STXBP4: variants seen among roughly 807,000 people sequenced by gnomAD.
STXBP4 encodes the protein syntaxin-binding protein 4.
STXBP4 carries 55 observed loss-of-function variants against 76.1 expected under a neutral mutation model. That is an observed-to-expected ratio of 0.72 (90% CI 0.58 to 0.91). The LOEUF (loss-of-function observed/expected upper bound fraction) is 0.91. Ranked by LOEUF, STXBP4 falls within the 40% of genes least tolerant of loss-of-function variation. The pLI, the probability that STXBP4 is intolerant of heterozygous loss-of-function variation, is 0.00. For synonymous variants in STXBP4, 201 were observed against 220.2 expected (o/e 0.91, Z 0.77); for missense variants, 618 against 636.9 (o/e 0.97, Z 0.32).
intron 17 of STXBP4, among the ~76,000 whole-genome samples, chr17:55,149,452 AAAAACAAGGAT>A (rs1170202123): frequency 1.3e-5 from 2 of 152,186 alleles, no homozygotes; most frequent in Non-Finnish European, 2.9e-5. Context: ...ATTCTTGTAC[AAAAACAAGGAT>A]AATAATTTCT....
At chr17:55,086,637 A>G (rs192202881) in intron 16 of STXBP4, among the ~76,000 whole-genome samples, 14 of 152,212 alleles carry the variant, frequency 9.2e-5, no homozygotes, top group Admixed American at 4.6e-4. Context: ...GGAGACACGC[A>G]CACATACCAC....
chr17:55,064,980 G>T (rs2079033388), intron 12 of STXBP4, among the ~76,000 whole-genome samples: 1 of 152,114 alleles, frequency 6.6e-6, no homozygotes. Flanking sequence ...TGAGATGAGG[G>T]TCTACACTTT....
At chr17:54,989,289 A>G (rs971985020) in intron 3 of STXBP4, among the ~76,000 whole-genome samples, 1 of 152,118 alleles carries the variant, frequency 6.6e-6, no homozygotes, top group Non-Finnish European at 1.5e-5. Context: ...TTGTATTTTT[A>G]GTATAGACGG....
chr17:55,104,714 C>G (rs148938713), intron 16 of STXBP4, among the ~76,000 whole-genome samples: 66 of 152,272 alleles, frequency 4.3e-4, no homozygotes, highest in Admixed American at 1.7e-3. Context: ...ACCAGCTCCT[C>G]TTTGTACCTC....
At chr17:55,040,272 A>G (rs911392580) in intron 10 of STXBP4, among the ~76,000 whole-genome samples, 3 of 152,170 alleles carry the variant, frequency 2.0e-5, no homozygotes, top group Admixed American at 6.6e-5. Context: ...TAATCATTTT[A>G]GAAATATGGG....
chr17:55,154,503 G>C (rs2080255337), intron 17 of STXBP4, among the ~76,000 whole-genome samples: 1 of 152,150 alleles, frequency 6.6e-6, no homozygotes, highest in Non-Finnish European at 1.5e-5. Flanking sequence ...ATAGGTATCA[G>C]TGTCAGTAGG....
At chr17:55,028,481 A>G (rs778097693) in intron 8 of STXBP4, among the ~76,000 whole-genome samples, 2 of 152,164 alleles carry the variant, frequency 1.3e-5, no homozygotes, top group Non-Finnish European at 2.9e-5. Context: ...ATAGAAAAAA[A>G]CCTGAAAAAT....
intron 14 of STXBP4, 44 bp downstream of exon 14, chr17:55,078,238 A>T (rs1190756716): frequency 1.6e-6 from 2 of 1,244,298 alleles, no homozygotes; most frequent in Non-Finnish European, 2.3e-6. Flanking sequence ...AAAAATATAT[A>T]GGCAACTGGC....
At chr17:55,145,937 T>C (rs1266515217) in intron 17 of STXBP4, among the ~76,000 whole-genome samples, 4 of 152,192 alleles carry the variant, frequency 2.6e-5, no homozygotes, top group Non-Finnish European at 5.9e-5. Context: ...CCATCCATGA[T>C]CTTGAGAGTG....
At position 55,169,438 on chromosome 17, in the gene STXBP4, C is replaced by A. The variant is rs560235679; in HGVS notation, c.*9527C>A. The A allele has an allele frequency of 3.9e-5, 6 of 152,330 alleles. No individual in the cohort carries two copies. The highest frequency in any genetic ancestry group is 1.4e-4 in the African/African-American group (6 of 41,556). The allele number at this position is 152,330 out of a possible 1,614,324, so 9.4% of individuals were successfully genotyped here. ...ATGCAGTCAAAGCATGTTCCTGTAG[C>A]CTGAGGACAGCCGTCCAACAAAGAG... is the stretch of plus-strand genomic sequence containing the variant. On this transcript the variant is annotated 3_prime_UTR_variant, in exon 18 of 18. Transcript: ENST00000376352.
In STXBP4 at chr17:55,168,889, A is replaced by C. The variant is rs2080391983; in HGVS notation, c.*8978A>C. 6.6e-6 allele frequency: 1 copy of C among 152,200 alleles called. No homozygotes were observed. The highest frequency in any genetic ancestry group is 2.4e-5 in the African/African-American group (1 of 41,432). The allele number at this position is 152,200 out of a possible 1,614,324, so 9.4% of individuals were successfully genotyped here. A position where few individuals can be genotyped will look rare whatever the true frequency, so the allele number is the denominator to read the frequency against. The stretch of plus-strand genomic sequence containing the variant: ...CTTGGCAAAAGGACTTAATAGAAAA[A>C]TTTTAGATAACAATCAGGATTCATA... On this transcript the variant is annotated 3_prime_UTR_variant, in exon 18 of 18. Coordinates refer to ENST00000376352, the MANE Select transcript of STXBP4 (RefSeq NM_178509.6).
At chr17:55,034,070 G>A (rs2078557355) in intron 9 of STXBP4, 98 bp from the exon 10 acceptor site, 1 of 752,250 alleles carries the variant, frequency 1.3e-6, no homozygotes, top group African/African-American at 1.7e-5. Context: ...GATAATTTAT[G>A]TGGGTTAAAT....
At chr17:55,125,969 A>G (rs1370638100) in intron 16 of STXBP4, among the ~76,000 whole-genome samples, 1 of 152,096 alleles carries the variant, frequency 6.6e-6, no homozygotes, top group Non-Finnish European at 1.5e-5. Context: ...CTGACCCCAA[A>G]CTACACAAAT....
Position 55,168,827 on chromosome 17 carries a change from A to T in STXBP4, c.*8916A>T, listed in dbSNP as rs1197948618. Reference sequence around the variant, plus strand: ...TGAGATTTTTTTCCCTGTCTTAGACATCCATTCTACAACTCTGATGCTGGC... The same window carrying T: ...TGAGATTTTTTTCCCTGTCTTAGACTTCCATTCTACAACTCTGATGCTGGC... On this transcript the variant is annotated 3_prime_UTR_variant, in exon 18 of 18. Coordinates refer to ENST00000376352, the MANE Select transcript of STXBP4 (RefSeq NM_178509.6). 6.6e-6 allele frequency: 1 copy of T among 152,186 alleles called. No homozygotes were observed. Among genetic ancestry groups the T allele is most frequent in the Admixed American group, 6.5e-5 (1 of 15,284 alleles). The allele number at this position is 152,186 out of a possible 1,614,324, so 9.4% of individuals were successfully genotyped here.
intron 16 of STXBP4, among the ~76,000 whole-genome samples, chr17:55,111,908 GTT>G: frequency 6.6e-6 from 1 of 151,778 alleles, no homozygotes; most frequent in Non-Finnish European, 1.5e-5. Flanking sequence ...TTGTTTGTTT[GTT>G]TGTTTGTTTG....
intron 8 of STXBP4, among the ~76,000 whole-genome samples, chr17:55,018,834 A>G (rs190946470): frequency 5.1e-4 from 77 of 152,326 alleles, no homozygotes; most frequent in Non-Finnish European, 7.4e-5. Context: ...ACAAATCACA[A>G]TGGTGGAATG....
intron 16 of STXBP4, among the ~76,000 whole-genome samples, chr17:55,084,874 A>C (rs1361184102): frequency 4.6e-5 from 7 of 152,168 alleles, no homozygotes; most frequent in Non-Finnish European, 1.5e-5. Context: ...TAACCAAAGG[A>C]CTATAAATCA....
intron 12 of STXBP4, among the ~76,000 whole-genome samples, chr17:55,062,198 T>C (rs2079002235): frequency 6.6e-6 from 1 of 152,040 alleles, no homozygotes; most frequent in Non-Finnish European, 1.5e-5. Context: ...CATCAATCCA[T>C]CATCTACATT....
At chr17:55,043,475 G>A (rs1243559804) in intron 11 of STXBP4, 150 bp downstream of exon 11, 1 of 791,226 alleles carries the variant, frequency 1.3e-6, no homozygotes, top group South Asian at 2.5e-5. Flanking sequence ...TCTTTATTCA[G>A]TTGGCCTTTA....
Sources: allele counts gnomAD v4.1 joint callset (sites outside exome capture counted in the v4.1 genomes callset), GRCh38; gene constraint gnomAD v4.1.1; transcripts MANE v1.5; gene names NCBI Gene and HGNC (gene_info 2026-07-23, HGNC 2026-07-21).